CUL4B: variants seen among roughly 807,000 people sequenced by gnomAD.
The protein encoded by CUL4B is cullin 4B.
CUL4B carries 1 observed loss-of-function variant against 69.2 expected under a neutral mutation model. That is an observed-to-expected ratio of 0.01 (90% CI 0.01 to 0.07). CUL4B has a LOEUF of 0.07. CUL4B is among the 10% of genes least tolerant of loss of function. The pLI, the probability that CUL4B is intolerant of heterozygous loss-of-function variation, is 1.00. For missense variants in CUL4B, 328 were observed against 638.8 expected, an observed-to-expected ratio of 0.51 and a Z score of 5.24; for synonymous variants, 237 against 223.2, an observed-to-expected ratio of 1.06 and a Z score of -0.55.
downstream of CUL4B, among the ~76,000 whole-genome samples, chrX:120,568,625 G>A (rs970550838): frequency 9.8e-5 from 11 of 112,287 alleles, no homozygotes; most frequent in African/African-American, 3.6e-4. Context: ...GCTAGATGCC[G>A]TGAGGGAATA....
chrX:120,552,135 T>C (rs1051347589), intron 2 of CUL4B, among the ~76,000 whole-genome samples: 4 of 112,533 alleles, frequency 3.6e-5, no homozygotes, highest in African/African-American at 1.3e-4. Flanking sequence ...ACGTATTTAT[T>C]ATTTACACTA....
chrX:120,560,771 AAGGAAAG>A lies in CUL4B; in HGVS notation c.-140_-134del. 2.0e-6 allele frequency: 1 copy of A among 498,757 alleles called. No individual in the cohort carries two copies. The highest frequency in any genetic ancestry group is 2.5e-6 in the Non-Finnish European group (1 of 393,968). 41.1% of individuals were successfully genotyped at this position (498,757 alleles called of 1,213,427 possible). A position where few individuals can be genotyped will look rare whatever the true frequency, so the allele number is the denominator to read the frequency against. On this transcript the variant is annotated 5_prime_UTR_variant, in exon 1 of 20. Coordinates refer to ENST00000371322, the MANE Select transcript of CUL4B (RefSeq NM_001079872.2). Reference sequence around the variant, plus strand: ...AGAGAGGAGAAACACAGAGGACGAGAAGGAAAGTGAAGGGGGGGGCTACACCGGGGGA... The same window carrying A: ...AGAGAGGAGAAACACAGAGGACGAGATGAAGGGGGGGGCTACACCGGGGGA...
Position 120,544,637 on chromosome X carries a change from C to T in CUL4B, c.927G>A (p.Met309Ile). Reference protein sequence around the residue: ...QNSMLPSIWDMGLELFRAHII... With the variant: ...QNSMLPSIWDIGLELFRAHII... ...TATGAGCCCTAAATAACTCCAGTCCCATGTCCCTAAAATAAAAAACACATA... is the reference window on the plus strand; with the variant it reads ...TATGAGCCCTAAATAACTCCAGTCCTATGTCCCTAAAATAAAAAACACATA... Residue 309 changes from methionine to isoleucine, a missense_variant, in exon 6 of 20, where the codon ATG becomes ATA. Met to Ile is a conservative substitution (Grantham distance 10, BLOSUM62 1). Coordinates refer to ENST00000371322, the MANE Select transcript of CUL4B (RefSeq NM_001079872.2). 1 of 1,205,035 alleles carries T rather than the reference C, an allele frequency of 8.3e-7. No homozygotes were observed. Among genetic ancestry groups the T allele is most frequent in the Non-Finnish European group, 1.1e-6 (1 of 889,884 alleles).
rs750144966 is a variant in CUL4B, at chrX:120,544,615, G to A, written c.949C>T (p.His317Tyr). 1.3e-5 allele frequency: 16 copies of A among 1,208,585 alleles called. No individual in the cohort carries two copies. In the South Asian group the frequency reaches 1.8e-4, roughly 13 times the overall value. The change falls in exon 6 of 20, where the codon CAT (histidine) becomes TAT (tyrosine). Residue 317 changes from histidine to tyrosine, a missense_variant. By Grantham distance (83) the His-to-Tyr change is moderately conservative. Around this residue, in one of 4 missense-constraint regions of CUL4B, gnomAD observed 126 missense variants for 202.5 expected, o/e 0.62. Transcript: ENST00000371322. ...WDMGLELFRAHIISDQKVQNK... is the reference protein window; with the variant it reads ...WDMGLELFRAYIISDQKVQNK... ...TGCACTTTCTGATCACTTATAATAT[G>A]AGCCCTAAATAACTCCAGTCCCATG...
chrX:120,573,614 A>C, intron 2 of CUL4B, among the ~76,000 whole-genome samples: 1 of 111,849 alleles, frequency 8.9e-6, no homozygotes, highest in Non-Finnish European at 1.9e-5. Flanking sequence ...GCCACACTAA[A>C]TTTTATCAAA....
Position 120,539,347 on chromosome X carries a change from A to G in CUL4B, c.1662T>C (p.Arg554=). The G allele has an allele frequency of 8.4e-7, 1 of 1,196,294 alleles. No individual in the cohort carries two copies. The highest frequency in any genetic ancestry group is 1.1e-6 in the Non-Finnish European group (1 of 883,621). The part of the protein sequence containing the change: ...LIAKYVDSKL[R]AGNKEATDEE... ...CATCTGTAGCTTCTTTGTTGCCTGC[A>G]CGAAGTTTTGAATCTACATACTTAG... The change falls in exon 12 of 20, where the codon CGT becomes CGC. Residue 554 remains arginine, a synonymous_variant. Transcript: ENST00000371322.
In CUL4B at chrX:120,538,337, G is replaced by T; in HGVS notation, c.1853-128C>A. On this transcript the variant is annotated intron_variant, in intron 13 of 19. Coordinates refer to ENST00000371322, the MANE Select transcript of CUL4B (RefSeq NM_001079872.2). ...TCTGTAACTTTCATAAGAATAAAAA[G>T]AAATCCTTACCCCAAAGTGTATGCC... 6.4e-6 allele frequency: 3 copies of T among 469,570 alleles called. No homozygotes were observed. The South Asian group carries it at 1.1e-4, about 17-fold the overall frequency. The allele number at this position is 469,570 out of a possible 1,213,427, so 38.7% of individuals were successfully genotyped here. A position where few individuals can be genotyped will look rare whatever the true frequency, so the allele number is the denominator to read the frequency against.
chrX:120,568,335 G>A (rs181874595), downstream of CUL4B, among the ~76,000 whole-genome samples: 5 of 111,797 alleles, frequency 4.5e-5, no homozygotes, highest in Non-Finnish European at 7.5e-5. Context: ...AAGTTTGACA[G>A]CTTATCTAAG....
chrX:120,536,054 C>T (rs1440303362), intron 15 of CUL4B, 111 bp from the exon 16 acceptor site: 5 of 531,392 alleles, frequency 9.4e-6, no homozygotes, highest in South Asian at 2.6e-5. Context: ...AGACTATATC[C>T]AGTAGGTCCA....
At chrX:120,532,889 G>A (rs1923410631) in intron 17 of CUL4B, among the ~76,000 whole-genome samples, 1 of 111,662 alleles carries the variant, frequency 9.0e-6, no homozygotes, top group African/African-American at 3.3e-5. Context: ...GAGCCACCAC[G>A]CCCGGCCCCT....
upstream of CUL4B, among the ~76,000 whole-genome samples, chrX:120,561,835 AAGG>A (rs898083827): frequency 1.8e-5 from 2 of 111,268 alleles, no homozygotes; most frequent in African/African-American, 6.5e-5. Flanking sequence ...TAAGATAGGA[AAGG>A]AGAAGAAAAC....
At chrX:120,538,052 A>G (rs922826294) in intron 14 of CUL4B, 72 bp downstream of exon 14, 18 of 728,918 alleles carry the variant, frequency 2.5e-5, no homozygotes, top group Non-Finnish European at 3.9e-5. Context: ...TATCCTCTTT[A>G]GTACAAATCA....
intron 19 of CUL4B, 138 bp from the exon 20 acceptor site, chrX:120,526,994 CTCT>C: frequency 6.1e-6 from 2 of 325,734 alleles, no homozygotes; most frequent in Non-Finnish European, 1.1e-5. Flanking sequence ...TTATTTAAAT[CTCT>C]TTTTTAGAGA....
intron 8 of CUL4B, 37 bp downstream of exon 8, chrX:120,543,690 C>A: frequency 3.0e-6 from 3 of 984,837 alleles, no homozygotes; most frequent in Non-Finnish European, 4.3e-6. Flanking sequence ...GATTTAACGA[C>A]AGTTTAAGAC....
chrX:120,547,043 C>A, intron 3 of CUL4B, 93 bp downstream of exon 3: 1 of 574,617 alleles, frequency 1.7e-6, no homozygotes, highest in Admixed American at 2.6e-5. Flanking sequence ...CTACAAAATA[C>A]AGGCATTCTA....
chrX:120,538,963 CT>C (rs764004283), intron 12 of CUL4B, among the ~76,000 whole-genome samples, 193 bp from the exon 13 acceptor site: 2 of 111,837 alleles, frequency 1.8e-5, no homozygotes, highest in East Asian at 5.6e-4. Flanking sequence ...TATTGTAAAA[CT>C]TTTTTGCATG....
chrX:120,566,368 T>TAC (rs1423815068), upstream of CUL4B, among the ~76,000 whole-genome samples: 2 of 60,998 alleles, frequency 3.3e-5, no homozygotes, highest in Non-Finnish European at 7.2e-5. Context: ...TATATATATA[T>TAC]ATATATATAT....
At position 120,535,975 on chromosome X, in the gene CUL4B, C is replaced by T. The variant is rs377624741; in HGVS notation, c.2047-32G>A. The T allele has an allele frequency of 1.5e-4, 144 of 990,175 alleles. 1 individual carries two copies. Among genetic ancestry groups the T allele is most frequent in the Non-Finnish European group, 2.0e-4 (141 of 695,275 alleles). The allele number at this position is 990,175 out of a possible 1,213,427, so 81.6% of individuals were successfully genotyped here. The stretch of plus-strand genomic sequence containing the variant: ...TAAATAAAATAAGGCTTTATTTAAG[C>T]TCTGTATCCAATACCACATTTACCA... On this transcript the variant is annotated intron_variant, in intron 15 of 19. Transcript: ENST00000371322.
At chrX:120,561,473 G>T, upstream of CUL4B, 1 of 451,961 alleles carries the variant, frequency 2.2e-6, no homozygotes, top group East Asian at 4.5e-5. Context: ...AGAAATTGGG[G>T]GGAAGAAAAG....
Sources: allele counts gnomAD v4.1 joint callset (sites outside exome capture counted in the v4.1 genomes callset), GRCh38; gene constraint gnomAD v4.1.1; regional missense constraint gnomAD v4.1.1; transcripts MANE v1.5; gene names NCBI Gene and HGNC (gene_info 2026-07-23, HGNC 2026-07-21).